Variants in FXYD5 observed in about 807,000 individuals in gnomAD.
The protein encoded by FXYD5 is FXYD domain-containing ion transport regulator 5.
A neutral mutation model predicts 25.7 loss-of-function variants in FXYD5; 21 were observed. That is an observed-to-expected ratio of 0.82 (90% CI 0.58 to 1.18). FXYD5 has a LOEUF of 1.18. Among genes scored for constraint, FXYD5 ranks in the 50% most tolerant of loss-of-function variants. The pLI is 0.00. For missense variants in FXYD5, 229 were observed against 227.7 expected, an observed-to-expected ratio of 1.01 and a Z score of -0.04; for synonymous variants, 101 against 90.7, an observed-to-expected ratio of 1.11 and a Z score of -0.64.
intron 4 of FXYD5, among the ~76,000 whole-genome samples, chr19:35,160,161 A>G (rs1179552152): frequency 1.3e-5 from 2 of 152,180 alleles, no homozygotes; most frequent in Non-Finnish European, 2.9e-5. Flanking sequence ...GTGAGCTATG[A>G]TTGCACCACT....
At chr19:35,154,843 GC>G in intron 1 of FXYD5, 34 bp downstream of exon 1, 1 of 153,382 alleles carries the variant, frequency 6.5e-6, no homozygotes. Flanking sequence ...TCCATCCGCT[GC>G]CCCTCTGCCC....
chr19:35,169,513 A>G lies in FXYD5; in HGVS notation c.488-53A>G. The G allele has an allele frequency of 2.9e-6, 4 of 1,362,942 alleles. No homozygotes were observed. In the South Asian group the frequency reaches 3.5e-5, roughly 12 times the overall value. 84.4% of individuals were successfully genotyped at this position (1,362,942 alleles called of 1,614,324 possible). On this transcript the variant is annotated intron_variant, in intron 8 of 8. Transcript: ENST00000392219. ...TGGTTCCCCAGCCCCACAACACACGATAAGAATCAATATCACTCTAGCTCG... is the reference window on the plus strand; with the variant it reads ...TGGTTCCCCAGCCCCACAACACACGGTAAGAATCAATATCACTCTAGCTCG...
intron 4 of FXYD5, among the ~76,000 whole-genome samples, chr19:35,158,938 G>C (rs954486416): frequency 7.2e-5 from 11 of 151,992 alleles, no homozygotes; most frequent in African/African-American, 2.4e-4. Context: ...ACCAGCCTGG[G>C]CAACACAGTG....
At chr19:35,160,276 G>T (rs767653284) in intron 4 of FXYD5, among the ~76,000 whole-genome samples, 2 of 152,160 alleles carry the variant, frequency 1.3e-5, no homozygotes, top group Non-Finnish European at 2.9e-5. Flanking sequence ...TAACCCACCA[G>T]CAGTGTGCAG....
At chr19:35,157,358 G>A (rs2065365342) in intron 2 of FXYD5, 63 bp from the exon 3 acceptor site, 1 of 839,942 alleles carries the variant, frequency 1.2e-6, no homozygotes, top group Middle Eastern at 2.4e-4. Flanking sequence ...GGGAGGCGAG[G>A]GCGGGGGTGG....
chr19:35,166,109 G>C, intron 6 of FXYD5, 33 bp from the exon 7 acceptor site: 1 of 1,611,650 alleles, frequency 6.2e-7, no homozygotes, highest in Non-Finnish European at 8.5e-7. Context: ...AACCTTTGCT[G>C]AACCCTGACT....
At chr19:35,162,321 C>T (rs2065413619) in intron 5 of FXYD5, among the ~76,000 whole-genome samples, 1 of 152,292 alleles carries the variant, frequency 6.6e-6, no homozygotes, top group East Asian at 1.9e-4. Flanking sequence ...ATTTGAGCCT[C>T]CTAGCTCAAA....
intron 4 of FXYD5, chr19:35,159,729 G>A (rs1161603228): frequency 7.1e-7 from 1 of 1,402,342 alleles, no homozygotes. Flanking sequence ...ACCCTAAGAG[G>A]CAGAAATTAC....
In FXYD5 at chr19:35,166,497, T is replaced by G. The variant is rs1391074459; in HGVS notation, c.487+172T>G. 5 of 546,318 alleles carry G rather than the reference T, an allele frequency of 9.2e-6. No individual in the cohort carries two copies. In the East Asian group the frequency reaches 1.5e-4, roughly 17 times the overall value. 33.8% of individuals were successfully genotyped at this position (546,318 alleles called of 1,614,324 possible). The stretch of plus-strand genomic sequence containing the variant: ...GTGGTTTAAAATAATGACCATTTAT[T>G]GAGCTCTCAATACCACAGTTTGGAA... On this transcript the variant is annotated intron_variant, in intron 8 of 8. Transcript: ENST00000392219.
At chr19:35,161,606 A>G (rs2065406621) in intron 5 of FXYD5, among the ~76,000 whole-genome samples, 1 of 152,226 alleles carries the variant, frequency 6.6e-6, no homozygotes, top group Non-Finnish European at 1.5e-5. Flanking sequence ...CCCTGGGGCT[A>G]GAGAAGAGGC....
At chr19:35,165,959 G>A (rs188555817) in intron 6 of FXYD5, among the ~76,000 whole-genome samples, 183 bp from the exon 7 acceptor site, 17 of 152,312 alleles carry the variant, frequency 1.1e-4, no homozygotes, top group African/African-American at 3.8e-4. Context: ...AGTGCAGGGA[G>A]TGAGGGGGAT....
At chr19:35,168,968 C>A (rs764246857) in intron 8 of FXYD5, among the ~76,000 whole-genome samples, 2 of 150,748 alleles carry the variant, frequency 1.3e-5, no homozygotes, top group South Asian at 4.2e-4. Context: ...GAGGCTGAGG[C>A]GGGAGAATCG....
In FXYD5 at chr19:35,166,122, C is replaced by T; in HGVS notation, c.383-20C>T. On this transcript the variant is annotated intron_variant, in intron 6 of 8. Coordinates refer to ENST00000392219, the MANE Select transcript of FXYD5 (RefSeq NM_014164.6). ...CAAACCTTTGCTGAACCCTGACTTG[C>T]TCTTTGTCTGCCTCTCCAGGTTTTC... 1 of 1,613,094 alleles carries T rather than the reference C, an allele frequency of 6.2e-7. No individual in the cohort carries two copies. The highest frequency in any genetic ancestry group is 1.8e-4 in the Middle Eastern group (1 of 5,658).
At chr19:35,162,698 G>A (rs572335742) in intron 5 of FXYD5, among the ~76,000 whole-genome samples, 74 of 152,260 alleles carry the variant, frequency 4.9e-4, no homozygotes, top group African/African-American at 1.7e-3. Flanking sequence ...GGAATTTGGT[G>A]GGGTGGATAG....
At chr19:35,160,545 C>T (rs1362093957) in intron 4 of FXYD5, among the ~76,000 whole-genome samples, 164 bp from the exon 5 acceptor site, 1 of 152,156 alleles carries the variant, frequency 6.6e-6, no homozygotes, top group Non-Finnish European at 1.5e-5. Context: ...AGGGTTTCTC[C>T]ATGTTGGTCA....
In FXYD5 at chr19:35,163,261, T is replaced by C. The variant is rs1332833374; in HGVS notation, c.293-895T>C. On this transcript the variant is annotated intron_variant, in intron 5 of 8. Coordinates refer to ENST00000392219, the MANE Select transcript of FXYD5 (RefSeq NM_014164.6). ...TAATCCTTGGTTGCCAGTTCCTATTTAGGGTGTGGGGCACTGAGATAATTC... is the reference window on the plus strand; with the variant it reads ...TAATCCTTGGTTGCCAGTTCCTATTCAGGGTGTGGGGCACTGAGATAATTC... Among the ~76,000 whole-genome samples the C allele has an allele frequency of 2.0e-5, 3 of 152,230 alleles. 1 individual carries two copies. The highest frequency in any genetic ancestry group is 7.2e-5 in the African/African-American group (3 of 41,452).
At chr19:35,169,187 C>T (rs1367681099) in intron 8 of FXYD5, among the ~76,000 whole-genome samples, 2 of 152,210 alleles carry the variant, frequency 1.3e-5, no homozygotes, top group African/African-American at 4.8e-5. Context: ...GACTTAACAC[C>T]CTCCCACTTA....
chr19:35,155,486 C>CG, intron 1 of FXYD5, 65 bp from the exon 2 acceptor site: 1 of 1,325,530 alleles, frequency 7.5e-7, no homozygotes, highest in Non-Finnish European at 1.1e-6. Context: ...GCAGGATCCC[C>CG]GGGGGCTGCC....
At chr19:35,165,470 A>G (rs1057090721) in intron 6 of FXYD5, among the ~76,000 whole-genome samples, 1 of 152,156 alleles carries the variant, frequency 6.6e-6, no homozygotes, top group African/African-American at 2.4e-5. Flanking sequence ...ACTAATGTAT[A>G]ATGAGCTGTG....
Sources: gnomAD v4.1 joint callset for allele counts (sites outside exome capture counted in the v4.1 genomes callset) on GRCh38, gnomAD v4.1.1 for gene constraint, MANE v1.5 for transcripts, NCBI Gene and HGNC (gene_info 2026-07-23, HGNC 2026-07-21) for gene names.